Variants in HS3ST4 observed in about 807,000 individuals in gnomAD.
HS3ST4 encodes heparan sulfate glucosamine 3-O-sulfotransferase 4.
In HS3ST4, 17 loss-of-function variants were observed where a neutral mutation model predicts 29.2. The observed-to-expected ratio is 0.58, with a 90% CI of 0.40 to 0.87. HS3ST4 has a LOEUF of 0.87. Among genes scored for constraint, HS3ST4 ranks in the 40% least tolerant of loss-of-function variants. The pLI, the probability that HS3ST4 is intolerant of heterozygous loss-of-function variation, is 0.00. For missense variants in HS3ST4, 627 were observed against 634.5 expected, an observed-to-expected ratio of 0.99 and a Z score of 0.13; for synonymous variants, 314 against 285.7, an observed-to-expected ratio of 1.10 and a Z score of -1.00.
At chr16:25,815,602 C>A (rs1967085821) in intron 1 of HS3ST4, among the ~76,000 whole-genome samples, 1 of 152,180 alleles carries the variant, frequency 6.6e-6, no homozygotes, top group African/African-American at 2.4e-5. Flanking sequence ...GGATTCCAGG[C>A]ATGAGCTACT....
chr16:25,794,032 A>G (rs796841987), intron 1 of HS3ST4, among the ~76,000 whole-genome samples: 52 of 151,928 alleles, frequency 3.4e-4, no homozygotes, highest in African/African-American at 1.2e-3. Flanking sequence ...TATTTGTAGG[A>G]TTTGTACTGA....
intron 1 of HS3ST4, among the ~76,000 whole-genome samples, chr16:25,909,695 A>T (rs1033357181): frequency 6.6e-6 from 1 of 152,228 alleles, no homozygotes; most frequent in Non-Finnish European, 1.5e-5. Flanking sequence ...ATCTCATTTA[A>T]TGCTCACAAC....
intron 1 of HS3ST4, among the ~76,000 whole-genome samples, chr16:25,736,887 C>T (rs532578677): frequency 1.3e-5 from 2 of 152,006 alleles, no homozygotes; most frequent in African/African-American, 2.4e-5. Flanking sequence ...CTCACACTGT[C>T]GCCCAGGCTG....
chr16:26,078,653 T>C (rs1898693473), intron 1 of HS3ST4, among the ~76,000 whole-genome samples: 1 of 152,216 alleles, frequency 6.6e-6, no homozygotes, highest in Non-Finnish European at 1.5e-5. Flanking sequence ...AGCTCATGCA[T>C]CTAGTCTTGA....
rs116378515 is a variant in HS3ST4 at position 26,124,915 on chromosome 16, A to T, written c.735-10697A>T. ...CTGAAAAGGGCTTTTCTCTTTTCTT[A>T]TTTTTATTTGTCTTTTCTTATGTCT... On this transcript the variant is annotated intron_variant, in intron 1 of 1. Coordinates refer to ENST00000331351, the MANE Select transcript of HS3ST4 (RefSeq NM_006040.3). Among the ~76,000 whole-genome samples, 548 of 152,254 alleles carry T rather than the reference A, an allele frequency of 3.6e-3. 3 individuals carry two copies. Among genetic ancestry groups the T allele is most frequent in the African/African-American group, 0.013 (525 of 41,558 alleles).
chr16:25,886,481 C>T (rs1967954366), intron 1 of HS3ST4, among the ~76,000 whole-genome samples: 1 of 152,106 alleles, frequency 6.6e-6, no homozygotes, highest in African/African-American at 2.4e-5. Context: ...TAACATCTGG[C>T]CAAGTTATCA....
chr16:25,829,272 G>T (rs1967269864), intron 1 of HS3ST4, among the ~76,000 whole-genome samples: 1 of 152,188 alleles, frequency 6.6e-6, no homozygotes, highest in Non-Finnish European at 1.5e-5. Context: ...CATCCTTTGG[G>T]CAGCTTGCTG....
intron 1 of HS3ST4, among the ~76,000 whole-genome samples, chr16:25,697,113 A>C (rs1282788156): frequency 6.6e-6 from 1 of 152,234 alleles, no homozygotes; most frequent in Non-Finnish European, 1.5e-5. Context: ...TCATTCATTC[A>C]TTCAATTATT....
intron 1 of HS3ST4, among the ~76,000 whole-genome samples, chr16:25,831,483 C>T (rs1010183388): frequency 1.1e-4 from 17 of 151,374 alleles, no homozygotes; most frequent in African/African-American, 3.4e-4. Context: ...CCCAGCTACT[C>T]GGGAGACTGA....
chr16:25,769,008 G>A (rs1224324429), intron 1 of HS3ST4, among the ~76,000 whole-genome samples: 1 of 152,076 alleles, frequency 6.6e-6, no homozygotes, highest in Non-Finnish European at 1.5e-5. Context: ...GGTCTTTCTG[G>A]CATCATAAAG....
chr16:25,862,678 G>A (rs111843269), intron 1 of HS3ST4, among the ~76,000 whole-genome samples: 2,894 of 149,574 alleles, frequency 0.019, 55 homozygotes, highest in Non-Finnish European at 0.029. Context: ...TAACGATACC[G>A]TTTAGTACTT....
At chr16:25,881,924 T>C (rs73515331) in intron 1 of HS3ST4, among the ~76,000 whole-genome samples, 1,873 of 152,286 alleles carry the variant, frequency 0.012, 34 homozygotes, top group African/African-American at 0.042. Context: ...AATCATTCTT[T>C]TTCAGGGACA....
At chr16:25,811,708 C>T (rs1967044019) in intron 1 of HS3ST4, among the ~76,000 whole-genome samples, 1 of 152,176 alleles carries the variant, frequency 6.6e-6, no homozygotes. Flanking sequence ...GCTGGGATTA[C>T]AGGCATGAGC....
At chr16:25,824,254 A>G (rs1411420016) in intron 1 of HS3ST4, among the ~76,000 whole-genome samples, 3 of 152,194 alleles carry the variant, frequency 2.0e-5, no homozygotes, top group African/African-American at 7.2e-5. Flanking sequence ...ATACTCAATG[A>G]GCAAATCCGA....
intron 1 of HS3ST4, among the ~76,000 whole-genome samples, chr16:25,917,565 G>T (rs770950425): frequency 1.3e-5 from 2 of 152,180 alleles, no homozygotes; most frequent in Non-Finnish European, 2.9e-5. Flanking sequence ...GCCTTAGGTG[G>T]ACTATGTGGA....
At position 25,873,465 on chromosome 16, in the gene HS3ST4, CCCATCCATCTATCTCT is replaced by C. The variant is rs1377420115; in HGVS notation, c.734+180316_734+180331del. On this transcript the variant is annotated intron_variant, in intron 1 of 1. Coordinates refer to ENST00000331351, the MANE Select transcript of HS3ST4 (RefSeq NM_006040.3). ...ATCCATCCACCCATCCATTTACCCA[CCCATCCATCTATCTCT>C]CTATCTATCTATCTATCTATCTATC... Among the ~76,000 whole-genome samples the C allele has an allele frequency of 1.0e-3, 138 of 135,352 alleles. 4 individuals carry two copies. The South Asian group carries it at 0.026, about 25-fold the overall frequency. 88.8% of individuals were successfully genotyped at this position (135,352 alleles called of 152,430 possible). A position where few individuals can be genotyped will look rare whatever the true frequency, so the allele number is the denominator to read the frequency against.
intron 1 of HS3ST4, among the ~76,000 whole-genome samples, chr16:25,969,205 G>T (rs543054600): frequency 5.3e-5 from 8 of 152,330 alleles, no homozygotes; most frequent in African/African-American, 1.9e-4. Context: ...TCCCTTCTGT[G>T]TGAATGTTTG....
At chr16:26,067,307 C>T (rs1046160532) in intron 1 of HS3ST4, among the ~76,000 whole-genome samples, 24 of 152,308 alleles carry the variant, frequency 1.6e-4, no homozygotes, top group African/African-American at 5.5e-4. Context: ...CATTGATTCT[C>T]TGTCCCTCCT....
At chr16:26,010,615 T>G (rs4787798) in intron 1 of HS3ST4, among the ~76,000 whole-genome samples, 107,387 of 152,016 alleles carry the variant, frequency 0.71, 39,406 homozygotes, top group African/African-American at 0.91. Context: ...AGGAATACTG[T>G]TCTAGAAGGA....
Sources: gnomAD v4.1 joint callset for allele counts (sites outside exome capture counted in the v4.1 genomes callset) on GRCh38, gnomAD v4.1.1 for gene constraint, MANE v1.5 for transcripts, NCBI Gene and HGNC (gene_info 2026-07-23, HGNC 2026-07-21) for gene names.